Variants in PLPP3 observed in about 807,000 individuals in gnomAD.
The protein encoded by PLPP3 is PAP2 beta.
A neutral mutation model predicts 29.6 loss-of-function variants in PLPP3; 6 were observed. That is an observed-to-expected ratio of 0.20 (90% CI 0.11 to 0.40). The LOEUF (loss-of-function observed/expected upper bound fraction) is 0.40, where lower values mean the gene tolerates loss of function less well. Ranked by LOEUF, PLPP3 falls within the 10% of genes least tolerant of loss-of-function variation. The pLI is 1.00. For missense variants in PLPP3, 308 were observed against 407.7 expected, an observed-to-expected ratio of 0.76 and a Z score of 2.11; for synonymous variants, 152 against 159.7, an observed-to-expected ratio of 0.95 and a Z score of 0.36.
rs150614629 is a variant in PLPP3 at position 56,497,772 on chromosome 1, G to A, written c.811-1096C>T. Among the ~76,000 whole-genome samples, 305 of 152,228 alleles carry A rather than the reference G, an allele frequency of 2.0e-3. 1 individual carries two copies. The highest frequency in any genetic ancestry group is 7.1e-3 in the African/African-American group (294 of 41,524). On this transcript the variant is annotated intron_variant, in intron 5 of 5. Coordinates refer to ENST00000371250, the MANE Select transcript of PLPP3 (RefSeq NM_003713.5). ...ATTTTACCAAAACTAAGGCTCTGGCGATCCAGGGCCTGGCCACAGTAGGGA... is the reference window on the plus strand; with the variant it reads ...ATTTTACCAAAACTAAGGCTCTGGCAATCCAGGGCCTGGCCACAGTAGGGA...
intron 5 of PLPP3, 25 bp downstream of exon 5, chr1:56,511,951 A>G: frequency 1.2e-6 from 2 of 1,612,586 alleles, no homozygotes; most frequent in Admixed American, 1.7e-5. Flanking sequence ...CTCCACTTGC[A>G]TATTGAGGAC....
chr1:56,572,033 A>T (rs1449371329), intron 1 of PLPP3, among the ~76,000 whole-genome samples: 1 of 142,072 alleles, frequency 7.0e-6, no homozygotes, highest in African/African-American at 2.6e-5. Context: ...ATCATTTCCA[A>T]TCATTTCTGG....
At position 56,578,880 on chromosome 1, in the gene PLPP3, A is replaced by G. The variant is rs1395566830; in HGVS notation, c.137T>C (p.Met46Thr). Residue 46 changes from methionine (M) to threonine (T), a missense_variant and splice_region_variant, in exon 1 of 6, where the codon ATG (methionine) becomes ACG (threonine). Transcript: ENST00000371250. ...LICLDLFCLF[M>T]AGLPFLIIET... ...AGGGACAGCGGGGCTGGGCTCACCC[A>G]TGAAGAGGCAGAAGAGGTCGAGGCA... The G allele has an allele frequency of 5.7e-6, 9 of 1,577,180 alleles. No homozygotes were observed. Among genetic ancestry groups the G allele is most frequent in the South Asian group, 5.7e-5 (5 of 87,816 alleles).
At chr1:56,570,858 A>G (rs917331195) in intron 1 of PLPP3, among the ~76,000 whole-genome samples, 2 of 152,238 alleles carry the variant, frequency 1.3e-5, no homozygotes, top group African/African-American at 4.8e-5. Flanking sequence ...CAAATCATTC[A>G]GCAGTGATCT....
intron 1 of PLPP3, among the ~76,000 whole-genome samples, chr1:56,542,774 C>T (rs1198357414): frequency 6.6e-6 from 1 of 152,096 alleles, no homozygotes; most frequent in African/African-American, 2.4e-5. Context: ...GTAATCCTAG[C>T]CCTTTGGGAG....
intron 1 of PLPP3, among the ~76,000 whole-genome samples, chr1:56,570,896 A>G (rs913120919): frequency 3.3e-5 from 5 of 152,210 alleles, no homozygotes; most frequent in African/African-American, 1.2e-4. Context: ...CTGAAAAAAT[A>G]CCAGTTTGAA....
At chr1:56,538,186 T>G (rs575183406) in intron 1 of PLPP3, among the ~76,000 whole-genome samples, 6 of 152,188 alleles carry the variant, frequency 3.9e-5, no homozygotes, top group African/African-American at 1.4e-4. Context: ...GGAGTTCCCA[T>G]GACCTGGACA....
chr1:56,551,353 C>A (rs932616743), intron 1 of PLPP3, among the ~76,000 whole-genome samples: 1 of 136,402 alleles, frequency 7.3e-6, no homozygotes, highest in Non-Finnish European at 1.6e-5. Flanking sequence ...GACCTAGATA[C>A]AAGTCCCTCC....
At chr1:56,572,899 A>C (rs1425202434) in intron 1 of PLPP3, among the ~76,000 whole-genome samples, 2 of 152,218 alleles carry the variant, frequency 1.3e-5, no homozygotes, top group Admixed American at 1.3e-4. Flanking sequence ...CTTATTTTAC[A>C]GATGAGGAAA....
chr1:56,527,084 C>T (rs2100253363), intron 2 of PLPP3, among the ~76,000 whole-genome samples: 1 of 152,312 alleles, frequency 6.6e-6, no homozygotes, highest in African/African-American at 2.4e-5. Context: ...AGTCACCTTT[C>T]TGCTCCAGTT....
intron 2 of PLPP3, among the ~76,000 whole-genome samples, chr1:56,531,756 G>A (rs1645890191): frequency 6.6e-6 from 1 of 152,218 alleles, no homozygotes; most frequent in African/African-American, 2.4e-5. Flanking sequence ...ACTAAGCAGA[G>A]TAACCTCGGG....
At chr1:56,576,767 G>A (rs1194520184) in intron 1 of PLPP3, among the ~76,000 whole-genome samples, 2 of 152,134 alleles carry the variant, frequency 1.3e-5, no homozygotes, top group Non-Finnish European at 2.9e-5. Context: ...GGGGGGACGG[G>A]GGATAGTGGG....
rs199699327 is a variant in PLPP3 at position 56,536,994 on chromosome 1, A to G, written c.258T>C (p.Ala86=). The change falls in exon 2 of 6, where the codon GCT becomes GCC. Residue 86 remains alanine (A), a synonymous_variant. Coordinates refer to ENST00000371250, the MANE Select transcript of PLPP3 (RefSeq NM_003713.5). ...TGACGATCCCCACGGCACAGAGCAC[A>G]GCGTCATTTATTGTCTCACCAGTTT... The part of the protein sequence containing the change: ...PLKTGETIND[A]VLCAVGIVIA... 2.5e-6 allele frequency: 4 copies of G among 1,613,708 alleles called. No individual in the cohort carries two copies. The highest frequency in any genetic ancestry group is 2.7e-5 in the African/African-American group (2 of 74,862).
chr1:56,568,915 G>A (rs938627606), intron 1 of PLPP3, among the ~76,000 whole-genome samples: 35 of 151,702 alleles, frequency 2.3e-4, no homozygotes, highest in African/African-American at 7.7e-4. Flanking sequence ...GTGAGCCACC[G>A]CGCCCGGCCC....
intron 4 of PLPP3, among the ~76,000 whole-genome samples, chr1:56,518,470 T>G (rs1200855129): frequency 6.6e-6 from 1 of 152,070 alleles, no homozygotes; most frequent in African/African-American, 2.4e-5. Context: ...AGACTTTCCC[T>G]ACATTACACA....
intron 5 of PLPP3, among the ~76,000 whole-genome samples, chr1:56,498,260 T>G (rs990078322): frequency 2.0e-5 from 3 of 152,198 alleles, no homozygotes; most frequent in African/African-American, 7.2e-5. Context: ...AGAGTCAAAC[T>G]TGAGGATCAG....
At chr1:56,535,900 G>T (rs990316951) in intron 2 of PLPP3, among the ~76,000 whole-genome samples, 9 of 152,258 alleles carry the variant, frequency 5.9e-5, no homozygotes, top group Admixed American at 4.6e-4. Context: ...TCCTCTTGAG[G>T]GAATCCAAAC....
intron 1 of PLPP3, among the ~76,000 whole-genome samples, chr1:56,550,503 G>C (rs1055879382): frequency 2.6e-5 from 4 of 152,160 alleles, no homozygotes; most frequent in Non-Finnish European, 5.9e-5. Context: ...AGAATGTCTA[G>C]AGTCCCTCTT....
At chr1:56,504,393 T>C (rs1402049732) in intron 5 of PLPP3, among the ~76,000 whole-genome samples, 1 of 151,602 alleles carries the variant, frequency 6.6e-6, no homozygotes, top group Non-Finnish European at 1.5e-5. Flanking sequence ...TTAGGGAGGG[T>C]GTCTGGTAAG....
Sources: allele counts gnomAD v4.1 joint callset (sites outside exome capture counted in the v4.1 genomes callset), GRCh38; gene constraint gnomAD v4.1.1; transcripts MANE v1.5; gene names NCBI Gene and HGNC (gene_info 2026-07-23, HGNC 2026-07-21).